Variants in SNTG1 observed in about 807,000 individuals in gnomAD.
SNTG1 encodes the protein syntrophin gamma 1.
A neutral mutation model predicts 74.7 loss-of-function variants in SNTG1; 39 were observed. That is an observed-to-expected ratio of 0.52 (90% CI 0.40 to 0.68). The LOEUF (loss-of-function observed/expected upper bound fraction) is 0.68, where lower values mean the gene tolerates loss of function less well. SNTG1 is among the 30% of genes least tolerant of loss of function. The pLI, the probability that SNTG1 is intolerant of heterozygous loss-of-function variation, is 0.00. For synonymous variants in SNTG1, 254 were observed against 217.1 expected (o/e 1.17, Z -1.49); for missense variants, 685 against 609.5 (o/e 1.12, Z -1.30).
At chr8:50,102,403 G>A (rs2080172376) in intron 1 of SNTG1, among the ~76,000 whole-genome samples, 1 of 150,738 alleles carries the variant, frequency 6.6e-6, no homozygotes, top group Non-Finnish European at 1.5e-5. Context: ...TTTTGATGGG[G>A]TTGTTTGTTT....
At chr8:50,021,040 T>C (rs1180306256) in intron 1 of SNTG1, among the ~76,000 whole-genome samples, 2 of 152,136 alleles carry the variant, frequency 1.3e-5, no homozygotes, top group African/African-American at 4.8e-5. Flanking sequence ...CTGTGATGAA[T>C]ATCTTTGGTT....
At chr8:50,067,979 T>C (rs1220939089) in intron 1 of SNTG1, among the ~76,000 whole-genome samples, 3 of 152,170 alleles carry the variant, frequency 2.0e-5, no homozygotes, top group Non-Finnish European at 4.4e-5. Context: ...CATCATCTTT[T>C]CACGTCCAGG....
At chr8:49,934,199 T>C (rs990361449) in intron 1 of SNTG1, among the ~76,000 whole-genome samples, 2 of 152,044 alleles carry the variant, frequency 1.3e-5, no homozygotes, top group Non-Finnish European at 2.9e-5. Context: ...AATTGATACC[T>C]TCCCTGATTA....
At chr8:50,179,559 A>T (rs2083125110) in intron 2 of SNTG1, among the ~76,000 whole-genome samples, 1 of 152,232 alleles carries the variant, frequency 6.6e-6, no homozygotes, top group African/African-American at 2.4e-5. Flanking sequence ...TTAATACTCA[A>T]AATACATAAG....
intron 13 of SNTG1, among the ~76,000 whole-genome samples, chr8:50,611,149 A>G (rs118154094): frequency 1.3e-5 from 2 of 152,306 alleles, no homozygotes; most frequent in East Asian, 3.9e-4. Context: ...AACAGTGGTT[A>G]TATGTACAAG....
rs190371293 is a variant in SNTG1, at chr8:50,122,552, G to A, written c.-102-50009G>A. Among the ~76,000 whole-genome samples the A allele has an allele frequency of 2.1e-5, 3 of 141,980 alleles. 1 individual carries two copies. Among genetic ancestry groups the A allele is most frequent in the Admixed American group, 1.4e-4 (2 of 13,808 alleles). 93.1% of individuals were successfully genotyped at this position (141,980 alleles called of 152,430 possible). A position where few individuals can be genotyped will look rare whatever the true frequency, so the allele number is the denominator to read the frequency against. On this transcript the variant is annotated intron_variant, in intron 1 of 18. Coordinates refer to ENST00000642720, the MANE Select transcript of SNTG1 (RefSeq NM_018967.5). ...TGTTGAGGAGGAGGATGACATTGAGGCTCGTAGCTCATATTTTAGAAAGAG... is the reference window on the plus strand; with the variant it reads ...TGTTGAGGAGGAGGATGACATTGAGACTCGTAGCTCATATTTTAGAAAGAG...
At chr8:50,690,171 C>G (rs189259742) in intron 15 of SNTG1, among the ~76,000 whole-genome samples, 320 of 152,172 alleles carry the variant, frequency 2.1e-3, no homozygotes, top group Non-Finnish European at 3.7e-3. Flanking sequence ...AGCAGTCTAT[C>G]AATTTTGTTG....
chr8:50,303,503 T>G lies in SNTG1; in HGVS notation c.-27-90709T>G, dbSNP rs181041079. Among the ~76,000 whole-genome samples the G allele has an allele frequency of 1.5e-4, 23 of 152,090 alleles. No homozygotes were observed. In the East Asian group the frequency reaches 4.1e-3, roughly 27 times the overall value. ...ACTTATGATTAGGCCTCAAATTATT[T>G]TGCATTGGAATACATAAAAATAAAA... On this transcript the variant is annotated intron_variant, in intron 2 of 18. Coordinates refer to ENST00000642720, the MANE Select transcript of SNTG1 (RefSeq NM_018967.5).
intron 1 of SNTG1, among the ~76,000 whole-genome samples, chr8:49,985,886 C>A (rs1438543159): frequency 6.6e-6 from 1 of 151,930 alleles, no homozygotes; most frequent in Non-Finnish European, 1.5e-5. Flanking sequence ...CTGATATGAC[C>A]TTTATATTTT....
chr8:50,732,488 A>G (rs1231776314), intron 17 of SNTG1, among the ~76,000 whole-genome samples: 2 of 151,924 alleles, frequency 1.3e-5, no homozygotes, highest in Non-Finnish European at 2.9e-5. Context: ...TATCTACATA[A>G]TACTCATCAG....
chr8:50,582,281 T>C (rs2094615163), intron 12 of SNTG1, among the ~76,000 whole-genome samples: 1 of 152,174 alleles, frequency 6.6e-6, no homozygotes, highest in South Asian at 2.1e-4. Context: ...CAACAAATAT[T>C]AATTGAGCAC....
At chr8:50,176,251 C>G (rs1429285134) in intron 2 of SNTG1, among the ~76,000 whole-genome samples, 1 of 152,110 alleles carries the variant, frequency 6.6e-6, no homozygotes, top group Non-Finnish European at 1.5e-5. Context: ...CAGGACGCAA[C>G]TTCTATTGCC....
intron 9 of SNTG1, among the ~76,000 whole-genome samples, chr8:50,504,779 A>T (rs866346895): frequency 2.0e-5 from 3 of 152,162 alleles, no homozygotes; most frequent in South Asian, 4.1e-4. Context: ...AAATAAATAA[A>T]TAATTAATTA....
intron 5 of SNTG1, among the ~76,000 whole-genome samples, chr8:50,439,433 A>C (rs1057466689): frequency 6.6e-6 from 1 of 152,048 alleles, no homozygotes; most frequent in African/African-American, 2.4e-5. Flanking sequence ...TATTTATGGA[A>C]AGCAGAACTC....
Position 50,553,734 on chromosome 8 carries a change from A to G in SNTG1, c.810+555A>G, listed in dbSNP as rs182600244. Among the ~76,000 whole-genome samples, 11 of 152,216 alleles carry G rather than the reference A, an allele frequency of 7.2e-5. No individual in the cohort carries two copies. In the East Asian group the frequency reaches 2.1e-3, roughly 29 times the overall value. The stretch of plus-strand genomic sequence containing the variant: ...ATTCCTGTGTCTCTTTATTGTAGCT[A>G]TCTTCTCATTATTTTAACTCTTTAA... On this transcript the variant is annotated intron_variant, in intron 12 of 18. Coordinates refer to ENST00000642720, the MANE Select transcript of SNTG1 (RefSeq NM_018967.5).
At chr8:50,564,683 CA>C (rs1213861203) in intron 12 of SNTG1, among the ~76,000 whole-genome samples, 3 of 151,990 alleles carry the variant, frequency 2.0e-5, no homozygotes, top group Non-Finnish European at 1.5e-5. Context: ...AGATGTTTAA[CA>C]GAAGTGTTAA....
In SNTG1 at chr8:50,658,651, C is replaced by T. The variant is rs2095198956; in HGVS notation, c.1026C>T (p.Cys342=). ...EKTFSVYEIM[C]KILKDSDLLD... ...CATTCTCAGTTTATGAGATTATGTG[C>T]AAGATCCTCAAGGTATGATCAATAT... Residue 342 remains cysteine (C), a synonymous_variant, in exon 15 of 19, where the codon TGC becomes TGT. Coordinates refer to ENST00000642720, the MANE Select transcript of SNTG1 (RefSeq NM_018967.5). The T allele has an allele frequency of 6.2e-7, 1 of 1,609,462 alleles. No homozygotes were observed. Among genetic ancestry groups the T allele is most frequent in the Non-Finnish European group, 8.5e-7 (1 of 1,176,768 alleles).
chr8:50,671,901 G>A (rs2131348195), intron 15 of SNTG1, among the ~76,000 whole-genome samples: 1 of 151,666 alleles, frequency 6.6e-6, no homozygotes, highest in African/African-American at 2.4e-5. Context: ...GTAGGGACAT[G>A]GATGAAATTG....
At chr8:50,303,516 C>A (rs1167254663) in intron 2 of SNTG1, among the ~76,000 whole-genome samples, 1 of 151,766 alleles carries the variant, frequency 6.6e-6, no homozygotes, top group Admixed American at 6.6e-5. Context: ...CATTGGAATA[C>A]ATAAAAATAA....
Sources: gnomAD v4.1 joint callset for allele counts (sites outside exome capture counted in the v4.1 genomes callset) on GRCh38, gnomAD v4.1.1 for gene constraint, MANE v1.5 for transcripts, NCBI Gene and HGNC (gene_info 2026-07-23, HGNC 2026-07-21) for gene names.